The following DAB1 variants were observed in gnomAD, a reference collection of about 807,000 sequenced individuals.
The protein encoded by DAB1 is DAB adaptor protein 1.
DAB1 carries 15 observed loss-of-function variants against 64.6 expected under a neutral mutation model. That is an observed-to-expected ratio of 0.23 (90% CI 0.16 to 0.36). DAB1 has a LOEUF of 0.36. Ranked by LOEUF, DAB1 falls within the 10% of genes least tolerant of loss-of-function variation. The pLI is 1.00. For synonymous variants in DAB1, 235 were observed against 251.9 expected (o/e 0.93, Z 0.64); for missense variants, 596 against 706.7 (o/e 0.84, Z 1.78).
At chr1:57,185,322 A>G (rs1663425165) in intron 2 of DAB1, among the ~76,000 whole-genome samples, 2 of 152,180 alleles carry the variant, frequency 1.3e-5, no homozygotes, top group Admixed American at 1.3e-4. Context: ...AGGCCTGAAG[A>G]CCAGTTACAA....
intron 3 of DAB1, among the ~76,000 whole-genome samples, chr1:58,351,058 T>C (rs1283787838): frequency 6.6e-6 from 1 of 152,222 alleles, no homozygotes; most frequent in Non-Finnish European, 1.5e-5. Flanking sequence ...AGTGTGGCCA[T>C]TTTCATGATA....
chr1:58,532,314 C>G (rs902274083), intron 1 of DAB1, among the ~76,000 whole-genome samples: 1 of 152,128 alleles, frequency 6.6e-6, no homozygotes, highest in Non-Finnish European at 1.5e-5. Flanking sequence ...TACTACTGTT[C>G]TTGCACTGAT....
At chr1:57,459,557 T>C (rs1051094060) in intron 7 of DAB1, among the ~76,000 whole-genome samples, 2 of 152,218 alleles carry the variant, frequency 1.3e-5, no homozygotes, top group Non-Finnish European at 2.9e-5. Context: ...CTTAATATTC[T>C]CTTATGAAAA....
intron 2 of DAB1, among the ~76,000 whole-genome samples, chr1:57,223,418 C>A (rs1411556100): frequency 2.0e-5 from 3 of 152,146 alleles, no homozygotes; most frequent in African/African-American, 7.2e-5. Context: ...GAAAACTTAC[C>A]TCGCTGGCTT....
At chr1:57,939,721 C>T (rs2102049659) in intron 5 of DAB1, among the ~76,000 whole-genome samples, 1 of 152,254 alleles carries the variant, frequency 6.6e-6, no homozygotes. Context: ...GTGCCATTCT[C>T]CACAAAGCAA....
chr1:58,218,801 A>G (rs1658988974), intron 4 of DAB1, among the ~76,000 whole-genome samples: 1 of 152,206 alleles, frequency 6.6e-6, no homozygotes, highest in Non-Finnish European at 1.5e-5. Flanking sequence ...TTACTCACAG[A>G]GAGAAAAGTC....
At chr1:57,428,892 ATTT>A (rs1052610482), upstream of DAB1, among the ~76,000 whole-genome samples, 11 of 139,992 alleles carry the variant, frequency 7.9e-5, no homozygotes, top group African/African-American at 2.8e-4. Flanking sequence ...GTTTGTTTTG[ATTT>A]TTTTTGTTGT....
intron 1 of DAB1, among the ~76,000 whole-genome samples, chr1:57,863,742 G>T (rs2101946046): frequency 6.6e-6 from 1 of 152,162 alleles, no homozygotes; most frequent in African/African-American, 2.4e-5. Flanking sequence ...TTAAAGAGGA[G>T]AAAAAGAATA....
chr1:57,057,792 T>C (rs1233047939), intron 9 of DAB1, among the ~76,000 whole-genome samples: 3 of 147,554 alleles, frequency 2.0e-5, no homozygotes, highest in Non-Finnish European at 4.5e-5. Context: ...GTATTTTTAG[T>C]AGAGACGGGG....
intron 9 of DAB1, among the ~76,000 whole-genome samples, chr1:57,060,449 C>A (rs897718636): frequency 3.3e-5 from 5 of 152,090 alleles, no homozygotes; most frequent in African/African-American, 9.7e-5. Flanking sequence ...CGCCCCTGGC[C>A]TTCATATATT....
In DAB1 at chr1:58,045,075, T is replaced by C. The variant is rs1298706763; in HGVS notation, n.387+105436A>G. Among the ~76,000 whole-genome samples, 3 of 152,308 alleles carry C rather than the reference T, an allele frequency of 2.0e-5. No individual in the cohort carries two copies. In the East Asian group the frequency reaches 5.8e-4, roughly 29 times the overall value. The stretch of plus-strand genomic sequence containing the variant: ...ATTGGAATCTATATAAATATTATAG[T>C]TTATGAATATAAAGCTTAAATTATC... On this transcript the variant is annotated intron_variant and non_coding_transcript_variant, in intron 5 of 20. Coordinates refer to the DAB1 transcript ENST00000485760.
chr1:57,569,538 A>C (rs1645167465), intron 7 of DAB1, among the ~76,000 whole-genome samples: 1 of 145,668 alleles, frequency 6.9e-6, no homozygotes, highest in African/African-American at 2.5e-5. Flanking sequence ...AAAGGTGGGA[A>C]TTGAACAATG....
intron 1 of DAB1, among the ~76,000 whole-genome samples, chr1:57,344,982 C>G (rs540881645): frequency 3.3e-5 from 5 of 152,150 alleles, no homozygotes; most frequent in Admixed American, 1.3e-4. Context: ...TGTGCTACCC[C>G]GATAGGATAT....
At chr1:58,354,864 G>C (rs979006420) in intron 3 of DAB1, among the ~76,000 whole-genome samples, 1 of 152,076 alleles carries the variant, frequency 6.6e-6, no homozygotes, top group Non-Finnish European at 1.5e-5. Flanking sequence ...GAAAACCAAG[G>C]CTCATAAACA....
intron 4 of DAB1, among the ~76,000 whole-genome samples, chr1:58,157,720 AG>A (rs1655296878): frequency 6.6e-6 from 1 of 152,168 alleles, no homozygotes. Context: ...CAAATCTGAC[AG>A]GGCCTTAGAA....
intron 1 of DAB1, among the ~76,000 whole-genome samples, chr1:57,341,869 G>A (rs1370003501): frequency 1.3e-5 from 2 of 152,152 alleles, no homozygotes; most frequent in African/African-American, 4.8e-5. Context: ...TAGACAGCAC[G>A]CTGTACAGTG....
chr1:57,097,999 G>A (rs935450325), intron 4 of DAB1, among the ~76,000 whole-genome samples: 2 of 152,028 alleles, frequency 1.3e-5, no homozygotes, highest in African/African-American at 2.4e-5. Flanking sequence ...GGATGGTCTC[G>A]ATCTCCTGAC....
intron 5 of DAB1, among the ~76,000 whole-genome samples, chr1:58,086,444 T>C (rs1339703553): frequency 6.6e-6 from 1 of 152,186 alleles, no homozygotes; most frequent in Admixed American, 6.5e-5. Context: ...TTTTCCAAGC[T>C]CATACCCTGC....
intron 5 of DAB1, among the ~76,000 whole-genome samples, chr1:58,142,145 C>T (rs1308055066): frequency 2.0e-5 from 3 of 152,144 alleles, no homozygotes; most frequent in African/African-American, 7.2e-5. Flanking sequence ...CTCCTTCACA[C>T]TACTGGCTCC....
Sources: gnomAD v4.1 joint callset for allele counts (sites outside exome capture counted in the v4.1 genomes callset) on GRCh38, gnomAD v4.1.1 for gene constraint, MANE v1.5 for transcripts, NCBI Gene and HGNC (gene_info 2026-07-23, HGNC 2026-07-21) for gene names.